Variants in SLC6A16 observed in about 807,000 individuals in gnomAD.
The protein encoded by SLC6A16 is solute carrier family 6 member 16, also known as orphan sodium- and chloride-dependent neurotransmitter transporter NTT5.
In SLC6A16, 54 loss-of-function variants were observed where a neutral mutation model predicts 65.4. The observed-to-expected ratio is 0.83, with a 90% CI of 0.66 to 1.04. The LOEUF is 1.04. Ranked by LOEUF, SLC6A16 falls within the 50% of genes least tolerant of loss-of-function variation. The probability of loss-of-function intolerance (pLI) is 0.00; values close to 1 mark genes in which losing one functional copy is unlikely to be tolerated. For synonymous variants in SLC6A16, 330 were observed against 346.5 expected, an observed-to-expected ratio of 0.95 and a Z score of 0.53; for missense variants, 816 against 914.0, an observed-to-expected ratio of 0.89 and a Z score of 1.38.
the SLC6A16 span, chr19:49,339,961 G>A: frequency 2.0e-4 from 277 of 1,409,598 alleles, 2 homozygotes; most frequent in East Asian, 6.7e-3. This position sits in a 1 kb window ranked among gnomAD's most constrained non-coding sequence, Gnocchi z 4.5. Flanking sequence ...ACAATTAGAG[G>A]CTGAGGCAGA....
the SLC6A16 span, among the ~76,000 whole-genome samples, chr19:49,331,437 C>T: frequency 7.0e-4 from 107 of 152,268 alleles, no homozygotes; most frequent in Admixed American, 2.4e-3. Context: ...CTGCCTCAGC[C>T]TCCCAAAGTG....
the SLC6A16 span, chr19:49,338,947 G>T: frequency 5.2e-5 from 84 of 1,602,914 alleles, no homozygotes; most frequent in Non-Finnish European, 6.7e-5. This position sits in a 1 kb window ranked among gnomAD's most constrained non-coding sequence, Gnocchi z 5.0. Context: ...GTGGGCAGGG[G>T]TTCGGAGCAT....
the SLC6A16 span, chr19:49,337,855 C>G: frequency 1.9e-5 from 30 of 1,586,294 alleles, no homozygotes; most frequent in African/African-American, 3.1e-4. Flanking sequence ...CCGCCTGAGG[C>G]TGGCACAGCC....
chr19:49,334,857 G>C, the SLC6A16 span, among the ~76,000 whole-genome samples: 1 of 151,960 alleles, frequency 6.6e-6, no homozygotes, highest in East Asian at 1.9e-4. Flanking sequence ...ACTCCAGCCT[G>C]GGTGAAAAGT....
At chr19:49,319,801 C>A (rs1970679774) in intron 1 of SLC6A16, among the ~76,000 whole-genome samples, 1 of 151,984 alleles carries the variant, frequency 6.6e-6, no homozygotes, top group African/African-American at 2.4e-5. Flanking sequence ...CAGGAGAGAC[C>A]ACAAATTTGT....
the SLC6A16 span, chr19:49,338,736 T>C: frequency 6.2e-7 from 1 of 1,612,878 alleles, no homozygotes; most frequent in South Asian, 1.1e-5. The surrounding 1 kb of genome is among the most constrained non-coding windows in gnomAD (Gnocchi z 5.0). Flanking sequence ...GCAGGACTGG[T>C]TCCAAGTCCT....
chr19:49,302,170 C>A (rs1439696569), intron 7 of SLC6A16, among the ~76,000 whole-genome samples: 3 of 152,212 alleles, frequency 2.0e-5, no homozygotes, highest in Admixed American at 6.5e-5. Context: ...CATTAATGAG[C>A]CTGCAACTAG....
rs781396477 is a variant in SLC6A16 at position 49,310,401 on chromosome 19, C to T, written c.525G>A (p.Trp175Ter). 6.2e-7 allele frequency: 1 copy of T among 1,614,070 alleles called. No homozygotes were observed. The highest frequency in any genetic ancestry group is 1.1e-5 in the South Asian group (1 of 91,066). The change falls in exon 3 of 12, where the codon TGG becomes TGA. Residue 175 changes from tryptophan to a stop codon, truncating the protein, a stop_gained. Coordinates refer to ENST00000335875, the MANE Select transcript of SLC6A16 (RefSeq NM_014037.3). LOFTEE classifies it high-confidence loss of function. ...QSMRQGGMGV[W>*]KIIAPWIGGV... ...CACCAATCCAGGGGGCAATGATCTT[C>T]CATACACCCATGCCACCCTGACGCA...
intron 1 of SLC6A16, chr19:49,312,529 T>G (rs1970541769): frequency 1.0e-6 from 1 of 983,970 alleles, no homozygotes; most frequent in Non-Finnish European, 1.2e-6. Context: ...TCTAGGGCTA[T>G]TCTCCTCCTT....
intron 7 of SLC6A16, 131 bp from the exon 8 acceptor site, chr19:49,294,684 G>A: frequency 1.2e-6 from 1 of 856,868 alleles, no homozygotes; most frequent in Non-Finnish European, 1.8e-6. Flanking sequence ...TAGAGCCTGG[G>A]ATGAATCCTA....
chr19:49,335,861 A>G, the SLC6A16 span: 2 of 1,231,708 alleles, frequency 1.6e-6, no homozygotes, highest in Non-Finnish European at 2.4e-6. This position sits in a 1 kb window ranked among gnomAD's most constrained non-coding sequence, Gnocchi z 4.6. Flanking sequence ...TGTCTCAGGG[A>G]GACCTACGGT....
intron 1 of SLC6A16, among the ~76,000 whole-genome samples, chr19:49,313,159 T>C (rs928636071): frequency 1.3e-5 from 2 of 151,194 alleles, no homozygotes; most frequent in Non-Finnish European, 2.9e-5. Context: ...TTTTTTAAAA[T>C]CTTGTATTAC....
upstream of SLC6A16, among the ~76,000 whole-genome samples, chr19:49,326,188 A>C (rs1970795411): frequency 6.6e-6 from 1 of 152,072 alleles, no homozygotes; most frequent in Non-Finnish European, 1.5e-5. Context: ...AAAGGAAAAA[A>C]AAGAAAAAAT....
chr19:49,336,319 G>A, the SLC6A16 span: 1 of 159,276 alleles, frequency 6.3e-6, no homozygotes, highest in Non-Finnish European at 1.4e-5. Flanking sequence ...ACTTTGGGAA[G>A]CCGAGGCAGG....
At chr19:49,335,663 C>T in the SLC6A16 span, 1 of 1,608,168 alleles carries the variant, frequency 6.2e-7, no homozygotes, top group Admixed American at 1.7e-5. This position sits in a 1 kb window ranked among gnomAD's most constrained non-coding sequence, Gnocchi z 4.6. Context: ...GCTAACCCAG[C>T]CCTCATCTTC....
the SLC6A16 span, chr19:49,339,054 G>A: frequency 2.7e-5 from 23 of 862,606 alleles, no homozygotes; most frequent in Admixed American, 4.3e-5. The surrounding 1 kb of genome is among the most constrained non-coding windows in gnomAD (Gnocchi z 4.5). Context: ...GGAAAGGTAC[G>A]GCAGGAGGGG....
chr19:49,321,960 C>A lies in SLC6A16; in HGVS notation c.-65+3088G>T, dbSNP rs573253586. Among the ~76,000 whole-genome samples the A allele has an allele frequency of 2.6e-5, 4 of 151,728 alleles. No individual in the cohort carries two copies. The East Asian group carries it at 5.8e-4, about 22-fold the overall frequency. ...AAAGGAAAATATCCCAACATAATAGCCATATACGAAAAACTCACAGCAAAT... is the reference window on the plus strand; with the variant it reads ...AAAGGAAAATATCCCAACATAATAGACATATACGAAAAACTCACAGCAAAT... On this transcript the variant is annotated intron_variant, in intron 1 of 11. Coordinates refer to ENST00000335875, the MANE Select transcript of SLC6A16 (RefSeq NM_014037.3).
intron 6 of SLC6A16, 78 bp downstream of exon 6, chr19:49,309,223 T>A: frequency 1.9e-6 from 3 of 1,577,548 alleles, no homozygotes; most frequent in Non-Finnish European, 2.6e-6. Flanking sequence ...AAGTAAAGAA[T>A]GGGGAAAGGA....
chr19:49,334,685 T>TA, the SLC6A16 span, among the ~76,000 whole-genome samples: 1 of 149,444 alleles, frequency 6.7e-6, no homozygotes, highest in Admixed American at 6.7e-5. Flanking sequence ...TAATTAAATA[T>TA]AAAAAATACA....
Sources: allele counts gnomAD v4.1 joint callset (sites outside exome capture counted in the v4.1 genomes callset), GRCh38; gene constraint gnomAD v4.1.1; non-coding constraint Gnocchi (gnomAD v3.1); transcripts MANE v1.5; gene names NCBI Gene and HGNC (gene_info 2026-07-23, HGNC 2026-07-21).